The following NCOR1 variants were observed in gnomAD, a reference collection of about 807,000 sequenced individuals.
The protein encoded by NCOR1 is protein phosphatase 1, regulatory subunit 109.
In NCOR1, 63 loss-of-function variants were observed where a neutral mutation model predicts 288.1. The observed-to-expected ratio is 0.22, with a 90% confidence interval of 0.18 to 0.27. The LOEUF is 0.27. Ranked by LOEUF, NCOR1 falls within the 10% of genes least tolerant of loss-of-function variation. The probability of loss-of-function intolerance (pLI) is 1.00; values close to 1 mark genes in which losing one functional copy is unlikely to be tolerated. For synonymous variants in NCOR1, 1,007 were observed against 1,065.9 expected, an observed-to-expected ratio of 0.94 and a Z score of 1.08; for missense variants, 2,397 against 3,019.2, an observed-to-expected ratio of 0.79 and a Z score of 4.83.
Position 16,057,641 on chromosome 17 carries a change from C to T in NCOR1, c.6265G>A (p.Val2089Ile), listed in dbSNP as rs1366407906. Residue 2089 changes from valine (V) to isoleucine (I), a missense_variant, in exon 40 of 46, where the codon GTA becomes ATA. This residue lies in a region of NCOR1 where 1,872 missense variants were observed against 2,187.8 expected (regional missense o/e 0.86). Transcript: ENST00000268712. ...STFQNSPSALVSTPVRTKTSN... is the reference protein window; with the variant it reads ...STFQNSPSALISTPVRTKTSN... ...GTTTTAGTCCTCACAGGTGTAGATA[C>T]CAAAGCAGAAGGTGAGTTCTGGAAT... 1 of 1,613,340 alleles carries T rather than the reference C, an allele frequency of 6.2e-7. No individual in the cohort carries two copies. Among genetic ancestry groups the T allele is most frequent in the Non-Finnish European group, 8.5e-7 (1 of 1,179,758 alleles).
In NCOR1 at chr17:16,127,198, CATGT is replaced by C. The variant is rs537031580; in HGVS notation, c.1510-996_1510-993del. On this transcript the variant is annotated intron_variant, in intron 14 of 45. Transcript: ENST00000268712. ...ATGTATATATCTGTATGTATATATA[CATGT>C]ATGTATATATCTGTATGTATATATA... Among the ~76,000 whole-genome samples the C allele has an allele frequency of 1.5e-3, 191 of 130,178 alleles. 11 individuals are homozygous for C. The highest frequency in any genetic ancestry group is 0.013 in the Admixed American group (177 of 13,252). The allele number at this position is 130,178 out of a possible 152,430, so 85.4% of individuals were successfully genotyped here.
chr17:16,034,783 C>CT lies in NCOR1; in HGVS notation c.7116dup (p.Asp2373ArgfsTer14). ...TCCTTACCTGTTGAAGAGGGCCTGT[C>CT]TTCCCAGGCCCACCCTGGCGTCTGC... On this transcript the variant is annotated frameshift_variant, in exon 45 of 46. Transcript: ENST00000268712. LOFTEE classifies it high-confidence loss of function. 6.2e-7 allele frequency: 1 copy of CT among 1,613,166 alleles called. No individual in the cohort carries two copies. The highest frequency in any genetic ancestry group is 8.5e-7 in the Non-Finnish European group (1 of 1,179,584).
intron 1 of NCOR1, among the ~76,000 whole-genome samples, chr17:16,200,041 A>G (rs1289064575): frequency 6.6e-6 from 1 of 152,122 alleles, no homozygotes; most frequent in Non-Finnish European, 1.5e-5. Context: ...CAACAGGAAA[A>G]TCTTGCAACA....
At chr17:16,141,528 T>TTA (rs1398728016) in intron 11 of NCOR1, among the ~76,000 whole-genome samples, 8 of 152,202 alleles carry the variant, frequency 5.3e-5, no homozygotes, top group Non-Finnish European at 1.2e-4. Flanking sequence ...CTATATACTT[T>TTA]TATAAGAGCA....
chr17:16,126,144 T>C lies in NCOR1; in HGVS notation c.1572A>G (p.Lys524=). Residue 524 remains lysine, a synonymous_variant, in exon 15 of 46, where the codon AAA becomes AAG. Transcript: ENST00000268712. ...TCTTTTCTTCTTCTTTTTTTTCTGT[T>C]TTTTCTGCTTTATCCTCTTCTTTTT... The part of the protein sequence containing the change: ...VEEKEEDKAE[K]TEKKEEEKKD... 6.4e-7 allele frequency: 1 copy of C among 1,572,696 alleles called. No individual in the cohort carries two copies. The highest frequency in any genetic ancestry group is 1.2e-5 in the South Asian group (1 of 82,646).
intron 5 of NCOR1, among the ~76,000 whole-genome samples, chr17:16,160,276 C>T (rs1303507362): frequency 2.0e-5 from 3 of 151,998 alleles, no homozygotes; most frequent in Admixed American, 2.0e-4. Context: ...GTAAATATTA[C>T]CGAGTATTAC....
chr17:16,136,503 T>C (rs902359162), intron 14 of NCOR1, among the ~76,000 whole-genome samples: 2 of 152,162 alleles, frequency 1.3e-5, no homozygotes, highest in African/African-American at 4.8e-5. Context: ...GAAAAAGTGC[T>C]TTTTAGAAAT....
chr17:16,117,401 T>C (rs1226177445), intron 18 of NCOR1, among the ~76,000 whole-genome samples: 7 of 149,490 alleles, frequency 4.7e-5, no homozygotes, highest in Non-Finnish European at 8.9e-5. Flanking sequence ...GAGCAATAAA[T>C]AGAGAAACAG....
chr17:16,205,366 T>C (rs1218994253), intron 1 of NCOR1, among the ~76,000 whole-genome samples: 1 of 152,236 alleles, frequency 6.6e-6, no homozygotes, highest in Non-Finnish European at 1.5e-5. Context: ...TGCATGCCTG[T>C]AATCCCAGCA....
chr17:16,095,098 G>A (rs1406803435), intron 21 of NCOR1, among the ~76,000 whole-genome samples: 2 of 150,760 alleles, frequency 1.3e-5, no homozygotes, highest in African/African-American at 2.4e-5. Context: ...CTGCCCGGCC[G>A]CCATCCCACC....
Position 16,127,245 on chromosome 17 carries a change from ATGTATATATGTGTG to A in NCOR1, c.1510-1053_1510-1040del, listed in dbSNP as rs1398749563. 2.2e-5 allele frequency among the ~76,000 whole-genome samples: 3 copies of A among 135,932 alleles called. 1 individual carries two copies. Among genetic ancestry groups the A allele is most frequent in the Non-Finnish European group, 3.1e-5 (2 of 64,856 alleles). The allele number at this position is 135,932 out of a possible 152,430, so 89.2% of individuals were successfully genotyped here. On this transcript the variant is annotated intron_variant, in intron 14 of 45. Transcript: ENST00000268712. ...TATATATACATGTATGCATATATGT[ATGTATATATGTGTG>A]TGTATATATGTATGTATATATACGT...
At chr17:16,167,859 CAAA>C (rs71299856) in intron 4 of NCOR1, among the ~76,000 whole-genome samples, 3 of 62,642 alleles carry the variant, frequency 4.8e-5, no homozygotes, top group African/African-American at 1.4e-4. Flanking sequence ...GACTCCATCT[CAAA>C]AAAAAAAAAA....
intron 21 of NCOR1, among the ~76,000 whole-genome samples, chr17:16,098,106 G>C (rs1347005345): frequency 6.6e-6 from 1 of 152,218 alleles, no homozygotes; most frequent in Non-Finnish European, 1.5e-5. Context: ...CAAGCGGCAG[G>C]AGGAAGAGAG....
intron 32 of NCOR1, chr17:16,065,996 G>A (rs1328566864): frequency 2.6e-6 from 1 of 389,942 alleles, no homozygotes; most frequent in Non-Finnish European, 4.8e-6. Flanking sequence ...ATCTGCAAGA[G>A]TTGTGTTTGA....
Position 16,080,081 on chromosome 17 carries a change from C to T in NCOR1, c.3401-17G>A, listed in dbSNP as rs2063159863. 1 of 1,606,830 alleles carries T rather than the reference C, an allele frequency of 6.2e-7. No homozygotes were observed. The highest frequency in any genetic ancestry group is 8.5e-7 in the Non-Finnish European group (1 of 1,173,624). On this transcript the variant is annotated splice_polypyrimidine_tract_variant and intron_variant, in intron 25 of 45. Coordinates refer to ENST00000268712, the MANE Select transcript of NCOR1 (RefSeq NM_006311.4). ...CTGCGGTACCTGAATACAAACAAAG[C>T]TATTAGCAAATTACACCCCCAGCCC...
intron 11 of NCOR1, among the ~76,000 whole-genome samples, chr17:16,142,376 T>C (rs1377752102): frequency 6.6e-6 from 1 of 152,150 alleles, no homozygotes. Context: ...ATATCTTTGA[T>C]CATTACTTAA....
At chr17:16,111,680 A>G (rs975573658) in intron 18 of NCOR1, among the ~76,000 whole-genome samples, 2 of 151,814 alleles carry the variant, frequency 1.3e-5, no homozygotes, top group Admixed American at 1.3e-4. Context: ...TTGGGGTCCA[A>G]CTGCAACTCT....
rs2060564228 is a variant in NCOR1, at chr17:16,061,735, T to C, written c.5547A>G (p.Leu1849=). 14 of 1,614,224 alleles carry C rather than the reference T, an allele frequency of 8.7e-6. No homozygotes were observed. The highest frequency in any genetic ancestry group is 1.2e-5 in the Non-Finnish European group (14 of 1,180,042). ...CTGACCTGCTTCTCAAATTTTCTTC[T>C]AACCTGGCAGCTTCATGCTTACTCT... is the stretch of plus-strand genomic sequence containing the variant. ...TKESKHEAAR[L]EENLRSRSAA... The change falls in exon 37 of 46, where the codon TTA becomes TTG. Residue 1849 remains leucine, a synonymous_variant. Coordinates refer to ENST00000268712, the MANE Select transcript of NCOR1 (RefSeq NM_006311.4).
At chr17:16,132,139 T>C (rs1465702411) in intron 14 of NCOR1, among the ~76,000 whole-genome samples, 2 of 152,230 alleles carry the variant, frequency 1.3e-5, no homozygotes, top group Non-Finnish European at 2.9e-5. Flanking sequence ...TGCTTCTGAA[T>C]ACCTTTAGGG....
Sources: gnomAD v4.1 joint callset for allele counts (sites outside exome capture counted in the v4.1 genomes callset) on GRCh38, gnomAD v4.1.1 for gene constraint, gnomAD v4.1.1 regional missense constraint, MANE v1.5 for transcripts, NCBI Gene and HGNC (gene_info 2026-07-23, HGNC 2026-07-21) for gene names.